DNM3: variants seen among roughly 807,000 people sequenced by gnomAD.
The protein encoded by DNM3 is dynamin 3, also known as dynamin-3.
A neutral mutation model predicts 101.6 loss-of-function variants in DNM3; 47 were observed. That is an observed-to-expected ratio of 0.46 (90% CI 0.37 to 0.59). DNM3 has a LOEUF of 0.59. Among genes scored for constraint, DNM3 ranks in the 20% least tolerant of loss-of-function variants. The probability of loss-of-function intolerance (pLI) is 0.00; values close to 1 mark genes in which losing one functional copy is unlikely to be tolerated. For missense variants in DNM3, 849 were observed against 1,085.7 expected (o/e 0.78, Z 3.06); for synonymous variants, 385 against 387.9 (o/e 0.99, Z 0.09).
intron 14 of DNM3, among the ~76,000 whole-genome samples, chr1:172,145,378 C>T (rs1405374733): frequency 6.7e-6 from 1 of 150,370 alleles, no homozygotes; most frequent in Non-Finnish European, 1.5e-5. Flanking sequence ...CTCTCTCTCC[C>T]TCCCTCCCTC....
rs1202536636 is a variant in DNM3, at chr1:171,841,793, C to T, written c.137C>T (p.Ser46Leu). Reference sequence around the variant, plus strand: ...GGCGGCCAGAGCGCCGGCAAGAGCTCGGTGCTCGAGAACTTCGTGGGCAGG... The same window carrying T: ...GGCGGCCAGAGCGCCGGCAAGAGCTTGGTGCTCGAGAACTTCGTGGGCAGG... ...VVGGQSAGKS[S>L]VLENFVGRDF... Residue 46 changes from serine to leucine, a missense_variant, in exon 1 of 21, where the codon TCG becomes TTG. Coordinates refer to ENST00000627582, the MANE Select transcript of DNM3 (RefSeq NM_015569.5). 1.2e-6 allele frequency: 2 copies of T among 1,609,510 alleles called. No homozygotes were observed. The highest frequency in any genetic ancestry group is 2.2e-5 in the South Asian group (2 of 90,558).
chr1:172,040,439 G>A (rs1384043955), intron 7 of DNM3, among the ~76,000 whole-genome samples: 1 of 151,540 alleles, frequency 6.6e-6, no homozygotes, highest in African/African-American at 2.4e-5. Flanking sequence ...TGTTTAAATT[G>A]GAGTTTCTAA....
At chr1:172,287,105 GA>G (rs2063731331) in intron 15 of DNM3, among the ~76,000 whole-genome samples, 6 of 152,174 alleles carry the variant, frequency 3.9e-5, no homozygotes, top group Admixed American at 3.9e-4. Flanking sequence ...GAAGGCTAAG[GA>G]AAAGGGGCCA....
chr1:171,913,611 G>GA (rs1333512119), intron 1 of DNM3, among the ~76,000 whole-genome samples: 2 of 152,184 alleles, frequency 1.3e-5, no homozygotes, highest in Non-Finnish European at 1.5e-5. Flanking sequence ...TCAGGGTGTG[G>GA]AACTGGATTC....
chr1:172,372,213 A>G (rs2068375082), intron 17 of DNM3, among the ~76,000 whole-genome samples: 1 of 151,430 alleles, frequency 6.6e-6, no homozygotes, highest in Admixed American at 6.6e-5. Context: ...ATGATTTCCA[A>G]TTTCATCCAT....
intron 11 of DNM3, among the ~76,000 whole-genome samples, chr1:172,080,723 G>A (rs960547058): frequency 6.6e-6 from 1 of 152,184 alleles, no homozygotes; most frequent in Admixed American, 6.5e-5. Context: ...CAGCCCCCCA[G>A]TTTTGTGCTT....
chr1:172,413,554 T>C (rs1322215596), downstream of DNM3, among the ~76,000 whole-genome samples: 1 of 152,208 alleles, frequency 6.6e-6, no homozygotes. Flanking sequence ...AGAGAATGTA[T>C]TCAGAAAATG....
At position 172,125,442 on chromosome 1, in the gene DNM3, T is replaced by A. The variant is rs149956978; in HGVS notation, c.1546-5733T>A. 2.0e-5 allele frequency among the ~76,000 whole-genome samples: 3 copies of A among 152,224 alleles called. No individual in the cohort carries two copies. The East Asian group carries it at 5.8e-4, about 29-fold the overall frequency. ...TCTGAACTTACCCGTAACATACAGGTTTTGCTGACCTTGACAAAATCTGTT... is the reference window on the plus strand; with the variant it reads ...TCTGAACTTACCCGTAACATACAGGATTTGCTGACCTTGACAAAATCTGTT... On this transcript the variant is annotated intron_variant, in intron 13 of 20. Coordinates refer to ENST00000627582, the MANE Select transcript of DNM3 (RefSeq NM_015569.5).
At chr1:172,341,738 G>C (rs959324542) in intron 17 of DNM3, among the ~76,000 whole-genome samples, 3 of 151,554 alleles carry the variant, frequency 2.0e-5, no homozygotes, top group Non-Finnish European at 4.4e-5. Flanking sequence ...ACTCAAGATG[G>C]ATTAAAGACC....
At chr1:172,225,971 T>G (rs190619817) in intron 14 of DNM3, among the ~76,000 whole-genome samples, 51 of 152,226 alleles carry the variant, frequency 3.4e-4, no homozygotes, top group Non-Finnish European at 5.3e-4. Flanking sequence ...ATAGATTTAT[T>G]ACTCTCTTTT....
At chr1:172,273,486 A>C (rs1051550152) in intron 15 of DNM3, among the ~76,000 whole-genome samples, 1 of 152,136 alleles carries the variant, frequency 6.6e-6, no homozygotes, top group Non-Finnish European at 1.5e-5. Flanking sequence ...TTGTGTCTGT[A>C]CATAGGCCCA....
intron 2 of DNM3, among the ~76,000 whole-genome samples, chr1:171,973,375 GATTA>G (rs985079543): frequency 2.0e-5 from 3 of 152,098 alleles, no homozygotes; most frequent in African/African-American, 7.2e-5. Flanking sequence ...TTGCTATTTA[GATTA>G]ATTGTTACAT....
chr1:171,974,883 T>C (rs1388788112), intron 2 of DNM3, among the ~76,000 whole-genome samples: 7 of 151,398 alleles, frequency 4.6e-5, no homozygotes, highest in South Asian at 2.1e-4. Context: ...TTTTTTTGAG[T>C]TGGGGTCTTG....
intron 14 of DNM3, among the ~76,000 whole-genome samples, chr1:172,193,179 T>G (rs1052007364): frequency 2.6e-5 from 4 of 152,264 alleles, no homozygotes; most frequent in East Asian, 3.9e-4. Context: ...TGTCTTCTTT[T>G]GAGAACTGTC....
chr1:172,137,251 T>C (rs2057289654), intron 14 of DNM3: 1 of 152,180 alleles, frequency 6.6e-6, no homozygotes, highest in African/African-American at 2.4e-5. Context: ...ATTTTTATAT[T>C]GTCTTCCTGT....
At chr1:172,338,643 A>G (rs1400200267) in intron 17 of DNM3, among the ~76,000 whole-genome samples, 1 of 152,164 alleles carries the variant, frequency 6.6e-6, no homozygotes, top group African/African-American at 2.4e-5. Context: ...AGCCTAGTGC[A>G]TTTCTCTGTG....
intron 14 of DNM3, among the ~76,000 whole-genome samples, chr1:172,161,936 C>T (rs1056893212): frequency 2.0e-5 from 3 of 151,826 alleles, no homozygotes; most frequent in Non-Finnish European, 2.9e-5. Context: ...GAGATTTATC[C>T]GTTGGGGTTG....
chr1:172,381,943 G>GA (rs1195564996), intron 18 of DNM3, among the ~76,000 whole-genome samples: 18 of 152,140 alleles, frequency 1.2e-4, no homozygotes, highest in African/African-American at 4.1e-4. Context: ...AAATGGGAAT[G>GA]AAAAAGAATA....
chr1:171,936,384 G>A (rs1213757062), intron 2 of DNM3, among the ~76,000 whole-genome samples: 3 of 121,058 alleles, frequency 2.5e-5, no homozygotes, highest in Non-Finnish European at 5.4e-5. Flanking sequence ...AGTTACTGTT[G>A]GCGGGTTATA....
Sources: allele counts gnomAD v4.1 joint callset (sites outside exome capture counted in the v4.1 genomes callset), GRCh38; gene constraint gnomAD v4.1.1; transcripts MANE v1.5; gene names NCBI Gene and HGNC (gene_info 2026-07-23, HGNC 2026-07-21).